ALDH1A2: variants seen among roughly 807,000 people sequenced by gnomAD.
The protein encoded by ALDH1A2 is retinal dehydrogenase 2.
Under a neutral mutation model 60.3 loss-of-function variants are expected in ALDH1A2, and 27 were observed. The ratio of observed to expected loss-of-function variants is 0.45; its 90% CI spans 0.33 to 0.62. The LOEUF is 0.62. Among genes scored for constraint, ALDH1A2 ranks in the 20% least tolerant of loss-of-function variants. The probability of loss-of-function intolerance (pLI) is 0.02; values close to 1 mark genes in which losing one functional copy is unlikely to be tolerated. For missense variants in ALDH1A2, 581 were observed against 643.8 expected (o/e 0.90, Z 1.06); for synonymous variants, 289 against 232.4 (o/e 1.24, Z -2.21).
In ALDH1A2 at chr15:57,960,756, A is replaced by C. The variant is rs749322232; in HGVS notation, c.1484+14T>G. ...ATCTATTTCTCTGCAGGCATCAGCA[A>C]CTTTAAGACTTACATTTCTCTCCCA... On this transcript the variant is annotated intron_variant, in intron 12 of 12. Coordinates refer to ENST00000249750, the MANE Select transcript of ALDH1A2 (RefSeq NM_003888.4). 1 of 1,611,650 alleles carries C rather than the reference A, an allele frequency of 6.2e-7. No individual in the cohort carries two copies. Among genetic ancestry groups the C allele is most frequent in the South Asian group, 1.1e-5 (1 of 91,020 alleles).
chr15:57,964,127 A>G lies in ALDH1A2; in HGVS notation c.902-58T>C, dbSNP rs1893819894. On this transcript the variant is annotated intron_variant, in intron 8 of 12. Coordinates refer to ENST00000249750, the MANE Select transcript of ALDH1A2 (RefSeq NM_003888.4). ...TTGCCTGGGGAGGGGCCTGTCTATG[A>G]AGCCGCCTCCCTCCCCTCTCCAAAG... The G allele has an allele frequency of 5.7e-6, 9 of 1,592,368 alleles. No homozygotes were observed. In the South Asian group the frequency reaches 8.9e-5, roughly 16 times the overall value.
At chr15:58,021,346 G>A (rs538776869) in intron 1 of ALDH1A2, among the ~76,000 whole-genome samples, 4 of 152,258 alleles carry the variant, frequency 2.6e-5, no homozygotes, top group Admixed American at 2.0e-4. Context: ...ATTCAACAAA[G>A]AAGGGACAGG....
At chr15:57,973,393 T>G (rs572715353) in intron 7 of ALDH1A2, among the ~76,000 whole-genome samples, 1 of 152,206 alleles carries the variant, frequency 6.6e-6, no homozygotes, top group Non-Finnish European at 1.5e-5. Context: ...AATAAGCTTC[T>G]TCTTGTTAAC....
chr15:57,996,253 T>C (rs1895055852), intron 4 of ALDH1A2, among the ~76,000 whole-genome samples: 1 of 152,084 alleles, frequency 6.6e-6, no homozygotes, highest in Non-Finnish European at 1.5e-5. Context: ...TGTTTTGACA[T>C]ATTCAAAATT....
At chr15:58,004,483 C>T (rs1416789150) in intron 4 of ALDH1A2, among the ~76,000 whole-genome samples, 1 of 151,618 alleles carries the variant, frequency 6.6e-6, no homozygotes, top group Non-Finnish European at 1.5e-5. Context: ...CTCACTCTCC[C>T]TCCTTTTGAA....
chr15:58,020,811 TTA>T (rs1439493419), intron 1 of ALDH1A2, among the ~76,000 whole-genome samples: 2 of 152,218 alleles, frequency 1.3e-5, no homozygotes, highest in African/African-American at 4.8e-5. Flanking sequence ...CATTAACGTT[TTA>T]TGTTTGTACT....
chr15:58,007,083 G>C (rs74018806), intron 4 of ALDH1A2, among the ~76,000 whole-genome samples: 214 of 151,884 alleles, frequency 1.4e-3, no homozygotes, highest in African/African-American at 4.9e-3. Flanking sequence ...ACTTCTGTCT[G>C]GTTGGCCATG....
rs116610419 is a variant in ALDH1A2 at position 58,023,140 on chromosome 15, A to T, written c.118-8859T>A. ...AATGAGAAACTTACCAAAGAGATAA[A>T]TTTTTTTTTAAAGAAACAAATAGAA... On this transcript the variant is annotated intron_variant, in intron 1 of 12. Coordinates refer to ENST00000249750, the MANE Select transcript of ALDH1A2 (RefSeq NM_003888.4). 5.0e-3 allele frequency among the ~76,000 whole-genome samples: 757 copies of T among 152,046 alleles called. 10 individuals are homozygous for T. The highest frequency in any genetic ancestry group is 0.017 in the African/African-American group (714 of 41,476).
chr15:58,004,217 T>C (rs769209177), intron 4 of ALDH1A2, among the ~76,000 whole-genome samples: 29 of 151,894 alleles, frequency 1.9e-4, no homozygotes, highest in Non-Finnish European at 4.1e-4. Flanking sequence ...TCTAACTGAT[T>C]ATCCATCTGT....
chr15:58,029,694 G>C (rs1300352003), intron 1 of ALDH1A2, among the ~76,000 whole-genome samples: 5 of 151,512 alleles, frequency 3.3e-5, no homozygotes, highest in African/African-American at 9.7e-5. Flanking sequence ...AAATAAAAAT[G>C]ATAAAGGGAA....
chr15:57,959,508 AAG>A (rs1344041996), intron 12 of ALDH1A2, among the ~76,000 whole-genome samples: 5 of 152,212 alleles, frequency 3.3e-5, no homozygotes, highest in African/African-American at 1.2e-4. Flanking sequence ...GGTTAAGAAA[AAG>A]AGGAATCATC....
At chr15:58,018,071 C>T (rs1280809847) in intron 1 of ALDH1A2, among the ~76,000 whole-genome samples, 1 of 152,052 alleles carries the variant, frequency 6.6e-6, no homozygotes, top group Non-Finnish European at 1.5e-5. Flanking sequence ...AGCATTATTC[C>T]CTGACCAGGG....
chr15:57,986,571 CAAAA>C (rs71116542), intron 7 of ALDH1A2, among the ~76,000 whole-genome samples: 34,371 of 82,210 alleles, frequency 0.42, 6,193 homozygotes, highest in Non-Finnish European at 0.5. Context: ...ACAGAAAAGC[CAAAA>C]AAAAAAAAAA....
intron 7 of ALDH1A2, among the ~76,000 whole-genome samples, chr15:57,966,310 G>T (rs1344099133): frequency 1.3e-5 from 2 of 152,126 alleles, no homozygotes; most frequent in Admixed American, 1.3e-4. Flanking sequence ...TTACACCTTT[G>T]CCTCTGCCTA....
rs781386051 is a variant in ALDH1A2, at chr15:58,065,691, T to G, written c.-41A>C. ...GTCCCTAGCCCGCGGCGTGGGGCAG[T>G]GCGGGCTGTGCGCGCGGTCCGCGGC... On this transcript the variant is annotated 5_prime_UTR_variant, in exon 1 of 13. Transcript: ENST00000249750. 4 of 1,385,344 alleles carry G rather than the reference T, an allele frequency of 2.9e-6. No individual in the cohort carries two copies. In the African/African-American group the frequency reaches 4.4e-5, roughly 15 times the overall value. 85.8% of individuals were successfully genotyped at this position (1,385,344 alleles called of 1,614,324 possible).
chr15:58,028,085 GA>G (rs754337241), intron 1 of ALDH1A2, among the ~76,000 whole-genome samples: 25 of 152,178 alleles, frequency 1.6e-4, no homozygotes, highest in Non-Finnish European at 3.2e-4. Context: ...GCAACCCCAA[GA>G]CACATAAATC....
intron 4 of ALDH1A2, among the ~76,000 whole-genome samples, chr15:58,000,676 C>T (rs999316238): frequency 5.9e-5 from 9 of 151,858 alleles, no homozygotes; most frequent in Admixed American, 2.0e-4. Context: ...TGAATGCTAC[C>T]AGTGCTACAC....
intron 9 of ALDH1A2, among the ~76,000 whole-genome samples, chr15:57,963,059 A>C (rs1394600223): frequency 6.6e-6 from 1 of 152,198 alleles, no homozygotes; most frequent in African/African-American, 2.4e-5. Flanking sequence ...CCATACAGCA[A>C]AAGGGAAGTG....
At chr15:58,054,805 A>G (rs1896855864) in intron 1 of ALDH1A2, among the ~76,000 whole-genome samples, 1 of 152,200 alleles carries the variant, frequency 6.6e-6, no homozygotes, top group South Asian at 2.1e-4. Context: ...GCAGTGTGTG[A>G]CTACACAACC....
Sources: allele counts gnomAD v4.1 joint callset (sites outside exome capture counted in the v4.1 genomes callset), GRCh38; gene constraint gnomAD v4.1.1; transcripts MANE v1.5; gene names NCBI Gene and HGNC (gene_info 2026-07-23, HGNC 2026-07-21).